RNASEH1: variants seen among roughly 807,000 people sequenced by gnomAD.
RNASEH1 encodes the protein ribonuclease H1.
Under a neutral mutation model 34.6 loss-of-function variants are expected in RNASEH1, and 27 were observed. The ratio of observed to expected loss-of-function variants is 0.78; its 90% confidence interval spans 0.58 to 1.08. RNASEH1 has a LOEUF of 1.08. Among genes scored for constraint, RNASEH1 ranks in the 50% least tolerant of loss-of-function variants. RNASEH1 has a pLI of 0.00. For missense variants in RNASEH1, 349 were observed against 373.6 expected, an observed-to-expected ratio of 0.93 and a Z score of 0.54; for synonymous variants, 162 against 138.4, an observed-to-expected ratio of 1.17 and a Z score of -1.20.
downstream of RNASEH1, among the ~76,000 whole-genome samples, chr2:3,538,633 C>G (rs1668120795): frequency 6.6e-6 from 1 of 152,192 alleles, no homozygotes; most frequent in African/African-American, 2.4e-5. Flanking sequence ...CACTCTAACG[C>G]TGTTTATTCC....
intron 2 of RNASEH1, among the ~76,000 whole-genome samples, 185 bp from the exon 3 acceptor site, chr2:3,552,493 GCCATCTCCACCCCCTCCACA>G (rs1660052036): frequency 2.3e-4 from 6 of 26,168 alleles, no homozygotes; most frequent in South Asian, 1.1e-3. Flanking sequence ...CCCCCTCCAC[GCCATCTCCACCCCCTCCACA>G]CCACCTCCAC....
the RNASEH1 span, among the ~76,000 whole-genome samples, chr2:3,535,283 A>T: frequency 7.9e-5 from 12 of 152,052 alleles, no homozygotes; most frequent in Non-Finnish European, 1.6e-4. Flanking sequence ...TTAAAAAGCC[A>T]GGCGTGGTGG....
downstream of RNASEH1, among the ~76,000 whole-genome samples, chr2:3,540,981 T>C (rs1180554518): frequency 6.6e-6 from 1 of 152,148 alleles, no homozygotes. Context: ...CTCTCCTGCC[T>C]GACTGGAGGG....
Position 3,548,683 on chromosome 2 carries a change from G to T in RNASEH1, c.606C>A (p.Ile202=), listed in dbSNP as rs916879382. ...KAIEQAKTQN[I]NKLVLYTDSM... ...TGTCTGTATACAGAACCAGTTTATTGATGTTTTGAGTCTTTGCTTGTTCAA... is the reference window on the plus strand; with the variant it reads ...TGTCTGTATACAGAACCAGTTTATTTATGTTTTGAGTCTTTGCTTGTTCAA... The change falls in exon 6 of 8, where the codon ATC becomes ATA. Residue 202 remains isoleucine (I), a synonymous_variant. Coordinates refer to ENST00000315212, the MANE Select transcript of RNASEH1 (RefSeq NM_002936.6). 9.9e-6 allele frequency: 16 copies of T among 1,612,376 alleles called. No individual in the cohort carries two copies. Among genetic ancestry groups the T allele is most frequent in the Non-Finnish European group, 1.3e-5 (15 of 1,178,676 alleles).
the RNASEH1 span, chr2:3,532,315 G>A: frequency 1.4e-6 from 1 of 702,220 alleles, no homozygotes; most frequent in African/African-American, 1.7e-5. Flanking sequence ...ATGATGCTGT[G>A]GGAACAAGAA....
intron 2 of RNASEH1, among the ~76,000 whole-genome samples, chr2:3,555,667 T>C (rs1035828262): frequency 6.6e-6 from 1 of 152,170 alleles, no homozygotes; most frequent in Admixed American, 6.5e-5. Flanking sequence ...TCAGTCTTAA[T>C]TTGCTATAGT....
chr2:3,542,934 A>G lies in RNASEH1; in HGVS notation c.*2851T>C, dbSNP rs1668423496. On this transcript the variant is annotated 3_prime_UTR_variant, in exon 8 of 8. Transcript: ENST00000315212. The stretch of plus-strand genomic sequence containing the variant: ...AAATCTAGAAATAATGACCAACGCA[A>G]TAGCAATGAGCATCCTAAACTGGAT... Among the ~76,000 whole-genome samples the G allele has an allele frequency of 6.6e-6, 1 of 152,258 alleles. No homozygotes were observed. Among genetic ancestry groups the G allele is most frequent in the Non-Finnish European group, 1.5e-5 (1 of 68,052 alleles).
intron 3 of RNASEH1, 101 bp from the exon 4 acceptor site, chr2:3,550,573 G>A: frequency 1.1e-6 from 1 of 886,230 alleles, no homozygotes; most frequent in Non-Finnish European, 1.9e-6. Context: ...AACCGAGAGG[G>A]TATTTTACAA....
the RNASEH1 span, among the ~76,000 whole-genome samples, chr2:3,535,968 C>T: frequency 6.6e-6 from 1 of 152,236 alleles, no homozygotes; most frequent in Admixed American, 6.5e-5. Flanking sequence ...CAGGCGTGAG[C>T]ACTGTCGGTC....
downstream of RNASEH1, among the ~76,000 whole-genome samples, chr2:3,538,582 C>G (rs76516876): frequency 2.0e-5 from 3 of 152,212 alleles, no homozygotes; most frequent in Non-Finnish European, 4.4e-5. Context: ...CTTAACAGTG[C>G]CCAGAGCACC....
chr2:3,535,957 C>A, the RNASEH1 span, among the ~76,000 whole-genome samples: 1 of 152,194 alleles, frequency 6.6e-6, no homozygotes, highest in African/African-American at 2.4e-5. Flanking sequence ...ACAGCGGGGT[C>A]CAGGCGTGAG....
chr2:3,548,944 C>G, intron 5 of RNASEH1, 114 bp downstream of exon 5: 2 of 959,616 alleles, frequency 2.1e-6, no homozygotes, highest in Admixed American at 4.5e-5. Context: ...TTATTAAACC[C>G]GTCTCTCTTC....
At chr2:3,532,206 C>T in the RNASEH1 span, 2 of 699,920 alleles carry the variant, frequency 2.9e-6, no homozygotes, top group African/African-American at 3.5e-5. Flanking sequence ...CACCTGGTCG[C>T]AGCACTTTCA....
chr2:3,548,190 C>T, intron 6 of RNASEH1, 135 bp from the exon 7 acceptor site: 1 of 1,088,700 alleles, frequency 9.2e-7, no homozygotes, highest in Non-Finnish European at 1.4e-6. Context: ...CTTAGCTGGC[C>T]TTAGTTGCTT....
rs1008658562 is a variant in RNASEH1, at chr2:3,543,152, G to A, written c.*2633C>T. Among the ~76,000 whole-genome samples, 7 of 151,548 alleles carry A rather than the reference G, an allele frequency of 4.6e-5. No homozygotes were observed. Among genetic ancestry groups the A allele is most frequent in the Admixed American group, 2.0e-4 (3 of 15,262 alleles). ...AGAGTCTCACCAATCACATGCTGAA[G>A]GCTCCCAAAACATGCCTATGTGAGG... On this transcript the variant is annotated 3_prime_UTR_variant, in exon 8 of 8. Coordinates refer to ENST00000315212, the MANE Select transcript of RNASEH1 (RefSeq NM_002936.6).
intron 7 of RNASEH1, 31 bp from the exon 8 acceptor site, chr2:3,545,902 T>C: frequency 6.8e-7 from 1 of 1,466,732 alleles, no homozygotes; most frequent in Non-Finnish European, 9.6e-7. Context: ...CTTTTATTTT[T>C]ACTCATCTTT....
chr2:3,551,195 C>A (rs915641642), intron 3 of RNASEH1, among the ~76,000 whole-genome samples: 5 of 152,210 alleles, frequency 3.3e-5, no homozygotes, highest in Non-Finnish European at 5.9e-5. Flanking sequence ...TCAGCAGTGG[C>A]GAAGGGGCAA....
chr2:3,534,607 C>T, the RNASEH1 span, among the ~76,000 whole-genome samples: 7 of 152,358 alleles, frequency 4.6e-5, no homozygotes, highest in African/African-American at 1.4e-4. Flanking sequence ...CCGGCCCAAC[C>T]GCCGGCTGAG....
chr2:3,551,503 G>A (rs75837183), intron 3 of RNASEH1, among the ~76,000 whole-genome samples: 4,584 of 152,212 alleles, frequency 0.03, 100 homozygotes, highest in East Asian at 0.084. Flanking sequence ...CTTTTTTTAC[G>A]TAACTGCAAA....
Sources: gnomAD v4.1 joint callset for allele counts (sites outside exome capture counted in the v4.1 genomes callset) on GRCh38, gnomAD v4.1.1 for gene constraint, MANE v1.5 for transcripts, NCBI Gene and HGNC (gene_info 2026-07-23, HGNC 2026-07-21) for gene names.